ARAP2: variants seen among roughly 807,000 people sequenced by gnomAD.
ARAP2 encodes the protein ArfGAP with RhoGAP domain, ankyrin repeat and PH domain 2.
In ARAP2, 148 loss-of-function variants were observed where a neutral mutation model predicts 194.5. The ratio of observed to expected loss-of-function variants is 0.76; its 90% CI spans 0.67 to 0.87. The LOEUF (loss-of-function observed/expected upper bound fraction) is 0.87. Ranked by LOEUF, ARAP2 falls within the 40% of genes least tolerant of loss-of-function variation. The pLI, the probability that ARAP2 is intolerant of heterozygous loss-of-function variation, is 0.00. For missense variants in ARAP2, 2,128 were observed against 1,989.7 expected, an observed-to-expected ratio of 1.07 and a Z score of -1.32; for synonymous variants, 695 against 683.5, an observed-to-expected ratio of 1.02 and a Z score of -0.26.
chr4:36,160,035 A>C (rs1733550261), intron 13 of ARAP2: 17 of 956,336 alleles, frequency 1.8e-5, no homozygotes, highest in Non-Finnish European at 2.1e-5. Context: ...GGCGGCAATA[A>C]AAAATATTAT....
chr4:36,145,462 G>A (rs960176755), intron 19 of ARAP2, among the ~76,000 whole-genome samples: 15 of 151,950 alleles, frequency 9.9e-5, no homozygotes, highest in African/African-American at 3.6e-4. Flanking sequence ...TCACTTATAA[G>A]TGGGAGTTAA....
intron 5 of ARAP2, among the ~76,000 whole-genome samples, chr4:36,035,853 T>A (rs1443684493): frequency 6.6e-6 from 1 of 152,178 alleles, no homozygotes; most frequent in Non-Finnish European, 1.5e-5. Flanking sequence ...CGTTTTTCCA[T>A]ATGTCTGTCC....
At chr4:36,101,396 G>GATTTTTTTT (rs61553104) in intron 27 of ARAP2, among the ~76,000 whole-genome samples, 1 of 149,900 alleles carries the variant, frequency 6.7e-6, no homozygotes, top group African/African-American at 2.4e-5. Flanking sequence ...AAGTACCAGA[G>GATTTTTTTT]TTTTTTTTTT....
At chr4:36,093,054 A>T (rs114737944) in intron 27 of ARAP2, among the ~76,000 whole-genome samples, 2 of 152,162 alleles carry the variant, frequency 1.3e-5, no homozygotes, top group African/African-American at 4.8e-5. Flanking sequence ...TGTCCTTTGC[A>T]GGGACATGAT....
At chr4:36,125,300 A>T (rs1723626395) in intron 21 of ARAP2, among the ~76,000 whole-genome samples, 1 of 152,022 alleles carries the variant, frequency 6.6e-6, no homozygotes, top group Admixed American at 6.6e-5. Flanking sequence ...AATACATTCA[A>T]TTAATTACTC....
chr4:36,136,028 T>C (rs1302583753), intron 19 of ARAP2, among the ~76,000 whole-genome samples: 1 of 151,786 alleles, frequency 6.6e-6, no homozygotes, highest in Non-Finnish European at 1.5e-5. Context: ...AGAGTAGAAC[T>C]TTCTCAACTT....
intron 2 of ARAP2, among the ~76,000 whole-genome samples, chr4:36,215,941 A>C (rs1410450257): frequency 6.6e-6 from 1 of 152,166 alleles, no homozygotes; most frequent in African/African-American, 2.4e-5. Context: ...AAAAATAAGT[A>C]ATAATAAATG....
intron 12 of ARAP2, 28 bp from the exon 13 acceptor site, chr4:36,160,669 A>G (rs917748106): frequency 4.2e-5 from 59 of 1,395,988 alleles, no homozygotes; most frequent in Non-Finnish European, 5.5e-5. Context: ...AAACCCCATA[A>G]TATATCAGTT....
chr4:36,067,068 A>G lies in ARAP2; in HGVS notation c.*839T>C, dbSNP rs183766578. ...AATGCTTGCATACAATGACAGTGCA[A>G]TCAGCATCCAGGCCAGGTCCTGTGT... is the stretch of plus-strand genomic sequence containing the variant. On this transcript the variant is annotated 3_prime_UTR_variant, in exon 33 of 33. Coordinates refer to ENST00000303965, the MANE Select transcript of ARAP2 (RefSeq NM_015230.4). 6.6e-6 allele frequency: 1 copy of G among 152,246 alleles called. No individual in the cohort carries two copies. The highest frequency in any genetic ancestry group is 6.5e-5 in the Admixed American group (1 of 15,284). 9.4% of individuals were successfully genotyped at this position (152,246 alleles called of 1,614,324 possible).
At chr4:36,198,130 T>C (rs1003048454) in intron 6 of ARAP2, among the ~76,000 whole-genome samples, 3 of 152,080 alleles carry the variant, frequency 2.0e-5, no homozygotes, top group Non-Finnish European at 2.9e-5. Flanking sequence ...TATTGAGTGA[T>C]AGAATAGCTC....
At chr4:36,226,643 A>T (rs969039804) in intron 2 of ARAP2, among the ~76,000 whole-genome samples, 1 of 152,318 alleles carries the variant, frequency 6.6e-6, no homozygotes, top group Non-Finnish European at 1.5e-5. Flanking sequence ...CATAAAACTC[A>T]TATTACTTGT....
At chr4:36,024,798 T>G (rs901593029) in intron 5 of ARAP2, among the ~76,000 whole-genome samples, 2 of 152,100 alleles carry the variant, frequency 1.3e-5, no homozygotes, top group Non-Finnish European at 2.9e-5. Context: ...ATACTATATA[T>G]TATATTTTTA....
chr4:36,015,827 G>A (rs1245148573), intron 7 of ARAP2: 3 of 152,194 alleles, frequency 2.0e-5, no homozygotes, highest in African/African-American at 4.8e-5. Flanking sequence ...GCAAGAATAT[G>A]TGAAAATATT....
chr4:36,123,970 C>T (rs533455481), intron 22 of ARAP2, among the ~76,000 whole-genome samples: 12 of 151,856 alleles, frequency 7.9e-5, no homozygotes, highest in African/African-American at 1.4e-4. Flanking sequence ...CCATGCTGCA[C>T]GCTAAAATTC....
intron 10 of ARAP2, among the ~76,000 whole-genome samples, chr4:36,166,676 C>T (rs1735357463): frequency 6.6e-6 from 1 of 151,350 alleles, no homozygotes; most frequent in African/African-American, 2.4e-5. Context: ...AAAACATACA[C>T]CATGCCTAGT....
At chr4:36,220,514 T>C (rs1219650198) in intron 2 of ARAP2, among the ~76,000 whole-genome samples, 1 of 152,126 alleles carries the variant, frequency 6.6e-6, no homozygotes, top group East Asian at 1.9e-4. Flanking sequence ...GGTTCATATA[T>C]TGACTATACT....
At chr4:36,184,397 TAC>T (rs1181859931) in intron 8 of ARAP2, among the ~76,000 whole-genome samples, 1 of 152,188 alleles carries the variant, frequency 6.6e-6, no homozygotes, top group Admixed American at 6.5e-5. Flanking sequence ...TCCATGTGTA[TAC>T]AGTGTTTTCA....
At position 36,068,348 on chromosome 4, in the gene ARAP2, C is replaced by G. The variant is rs1010314677; in HGVS notation, c.4744-70G>C. On this transcript the variant is annotated intron_variant, in intron 32 of 32. Transcript: ENST00000303965. Reference sequence around the variant, plus strand: ...CAATTTAGGTTTAGAAAGTGCAATCCACATAAAAGTTGATGCTTCCTATAA... The same window carrying G: ...CAATTTAGGTTTAGAAAGTGCAATCGACATAAAAGTTGATGCTTCCTATAA... The G allele has an allele frequency of 6.9e-6, 10 of 1,456,404 alleles. No individual in the cohort carries two copies. In the Admixed American group the frequency reaches 1.8e-4, roughly 26 times the overall value. 90.2% of individuals were successfully genotyped at this position (1,456,404 alleles called of 1,614,324 possible).
intron 26 of ARAP2, among the ~76,000 whole-genome samples, chr4:36,111,430 A>G (rs1719961591): frequency 6.6e-6 from 1 of 151,874 alleles, no homozygotes; most frequent in African/African-American, 2.4e-5. Context: ...GTTTTCCCTT[A>G]CTGCAATTTC....
Sources: allele counts gnomAD v4.1 joint callset (sites outside exome capture counted in the v4.1 genomes callset), GRCh38; gene constraint gnomAD v4.1.1; transcripts MANE v1.5; gene names NCBI Gene and HGNC (gene_info 2026-07-23, HGNC 2026-07-21).